SUCO: variants seen among roughly 807,000 people sequenced by gnomAD.
The protein encoded by SUCO is SUN domain-containing ossification factor.
In SUCO, 57 loss-of-function variants were observed where a neutral mutation model predicts 148.1. The ratio of observed to expected loss-of-function variants is 0.38; its 90% CI spans 0.31 to 0.48. The LOEUF is 0.48. SUCO is among the 20% of genes least tolerant of loss of function. The probability of loss-of-function intolerance (pLI) is 0.96; values close to 1 mark genes in which losing one functional copy is unlikely to be tolerated. For missense variants in SUCO, 1,331 were observed against 1,468.2 expected (o/e 0.91, Z 1.53); for synonymous variants, 470 against 502.7 (o/e 0.93, Z 0.87).
chr1:172,601,366 C>T (rs1455608824), intron 20 of SUCO, among the ~76,000 whole-genome samples: 1 of 152,012 alleles, frequency 6.6e-6, no homozygotes. Context: ...TGGCATGTGC[C>T]TGTAATCCCA....
At chr1:172,550,974 C>G (rs1653252824) in intron 1 of SUCO, 2 of 646,512 alleles carry the variant, frequency 3.1e-6, no homozygotes, top group South Asian at 7.0e-5. Flanking sequence ...TAGAGACTTT[C>G]TTTTTTATTG....
chr1:172,610,296 T>C lies in SUCO; in HGVS notation c.*37T>C, dbSNP rs764580214. The C allele has an allele frequency of 4.4e-5, 67 of 1,534,090 alleles. No individual in the cohort carries two copies. The Admixed American group carries it at 1.4e-3, about 33-fold the overall frequency. The stretch of plus-strand genomic sequence containing the variant: ...CTTTTCATACAGAAGACTTTTTTGT[T>C]GTTGTTCTTTGAAGAACAGTCTGTA... On this transcript the variant is annotated 3_prime_UTR_variant, in exon 24 of 24. Transcript: ENST00000263688.
intron 1 of SUCO, among the ~76,000 whole-genome samples, chr1:172,546,840 G>C (rs1021023018): frequency 2.0e-5 from 3 of 152,178 alleles, no homozygotes; most frequent in Admixed American, 1.3e-4. Context: ...GCCCGGGAAG[G>C]GGGAGGCCGC....
chr1:172,552,712 C>T (rs1653393073), intron 2 of SUCO: 2 of 812,300 alleles, frequency 2.5e-6, no homozygotes, highest in Non-Finnish European at 3.0e-6. Flanking sequence ...ATTTAATCCC[C>T]CTTTTGATGA....
chr1:172,572,347 C>T (rs996463972), intron 9 of SUCO, among the ~76,000 whole-genome samples: 2 of 151,856 alleles, frequency 1.3e-5, no homozygotes, highest in African/African-American at 4.8e-5. Flanking sequence ...TCATTTTGTT[C>T]TGTACTAAGA....
At chr1:172,573,030 TA>T (rs201475169) in intron 9 of SUCO, among the ~76,000 whole-genome samples, 1 of 151,430 alleles carries the variant, frequency 6.6e-6, no homozygotes, top group African/African-American at 2.4e-5. Flanking sequence ...AGCATCATTT[TA>T]AAAAAAAACA....
intron 1 of SUCO, among the ~76,000 whole-genome samples, chr1:172,546,326 T>C (rs1487361495): frequency 6.6e-6 from 1 of 152,188 alleles, no homozygotes; most frequent in East Asian, 1.9e-4. Flanking sequence ...ATGTTTAATA[T>C]TTTCTAGCCA....
chr1:172,568,464 T>C, intron 6 of SUCO: 4 of 973,372 alleles, frequency 4.1e-6, no homozygotes, highest in Non-Finnish European at 4.9e-6. Context: ...CTTTTAAAAA[T>C]GATTTATGCA....
At chr1:172,577,376 C>T (rs1357166581) in intron 11 of SUCO, among the ~76,000 whole-genome samples, 163 bp from the exon 12 acceptor site, 1 of 151,662 alleles carries the variant, frequency 6.6e-6, no homozygotes. Flanking sequence ...TAAATCATTG[C>T]TTTTATTTCT....
Position 172,574,888 on chromosome 1 carries a change from G to A in SUCO, c.1158-630G>A, listed in dbSNP as rs112970658. 5.8e-4 allele frequency: 571 copies of A among 985,008 alleles called. 1 individual carries two copies. In the African/African-American group the frequency reaches 9.2e-3, roughly 16 times the overall value. 61.0% of individuals were successfully genotyped at this position (985,008 alleles called of 1,614,324 possible). A position where few individuals can be genotyped will look rare whatever the true frequency, so the allele number is the denominator to read the frequency against. On this transcript the variant is annotated intron_variant, in intron 10 of 23. Coordinates refer to ENST00000263688, the MANE Select transcript of SUCO (RefSeq NM_014283.5). ...CTCTTGAGAATTCTGTTATTCTGCC[G>A]CTACCCTTGCTCAGTTCACTTCTTT...
chr1:172,532,610 G>A, upstream of SUCO: 5 of 1,614,006 alleles, frequency 3.1e-6, no homozygotes, highest in Non-Finnish European at 4.2e-6. Flanking sequence ...TCCACGAACT[G>A]TGCTCAAAAG....
chr1:172,541,137 TAAA>T (rs1027203638), intron 1 of SUCO, among the ~76,000 whole-genome samples: 4 of 152,074 alleles, frequency 2.6e-5, no homozygotes, highest in African/African-American at 9.7e-5. Flanking sequence ...AAAATACAAA[TAAA>T]AACAATGTTG....
chr1:172,602,456 T>C (rs1657590766), intron 21 of SUCO: 2 of 981,840 alleles, frequency 2.0e-6, no homozygotes, highest in Non-Finnish European at 2.4e-6. Context: ...AAATATTTGG[T>C]TGAGAAAGAT....
At chr1:172,572,235 A>G (rs1316691243) in intron 9 of SUCO, among the ~76,000 whole-genome samples, 1 of 149,550 alleles carries the variant, frequency 6.7e-6, no homozygotes, top group Non-Finnish European at 1.5e-5. Flanking sequence ...CATGATGACA[A>G]TGGTGGTTTT....
chr1:172,583,959 A>G (rs1656059321), intron 15 of SUCO, among the ~76,000 whole-genome samples: 1 of 152,218 alleles, frequency 6.6e-6, no homozygotes, highest in Non-Finnish European at 1.5e-5. Flanking sequence ...CTCCTTCAAA[A>G]GAGAAGTAGG....
intron 23 of SUCO, chr1:172,609,088 C>G (rs1326912124): frequency 8.2e-6 from 2 of 244,618 alleles, no homozygotes; most frequent in Admixed American, 1.3e-4. Context: ...TATTTACTGT[C>G]TGACCCTTCA....
At chr1:172,558,180 G>T (rs1008268322) in intron 6 of SUCO, among the ~76,000 whole-genome samples, 5 of 152,094 alleles carry the variant, frequency 3.3e-5, no homozygotes, top group African/African-American at 7.2e-5. Flanking sequence ...TTAAATTTAG[G>T]CTCTTCAGTC....
intron 4 of SUCO, chr1:172,556,755 C>CTTT (rs1653786497): frequency 1.0e-6 from 1 of 981,200 alleles, no homozygotes; most frequent in African/African-American, 1.8e-5. Context: ...AGTATTTAAA[C>CTTT]TTTTAAATTT....
chr1:172,542,513 G>T (rs1652551101), intron 1 of SUCO, among the ~76,000 whole-genome samples: 1 of 152,230 alleles, frequency 6.6e-6, no homozygotes, highest in Admixed American at 6.5e-5. Flanking sequence ...AACAGCAGGT[G>T]AGTGAGCATT....
Sources: gnomAD v4.1 joint callset for allele counts (sites outside exome capture counted in the v4.1 genomes callset) on GRCh38, gnomAD v4.1.1 for gene constraint, MANE v1.5 for transcripts, NCBI Gene and HGNC (gene_info 2026-07-23, HGNC 2026-07-21) for gene names.